Variants in ANK1 observed in about 807,000 individuals in gnomAD.
ANK1 encodes ankyrin-1.
A neutral mutation model predicts 210.4 loss-of-function variants in ANK1; 51 were observed. The observed-to-expected ratio is 0.24, with a 90% CI of 0.19 to 0.31. The LOEUF (loss-of-function observed/expected upper bound fraction) is 0.31. Ranked by LOEUF, ANK1 falls within the 10% of genes least tolerant of loss-of-function variation. The pLI is 1.00. For synonymous variants in ANK1, 967 were observed against 1,025.9 expected (o/e 0.94, Z 1.10); for missense variants, 2,051 against 2,504.4 (o/e 0.82, Z 3.86).
intron 1 of ANK1, among the ~76,000 whole-genome samples, chr8:41,868,300 T>C (rs371980191): frequency 7.9e-5 from 12 of 152,102 alleles, no homozygotes; most frequent in African/African-American, 2.9e-4. Flanking sequence ...TCGGTATCTC[T>C]GGCCTCTACC....
At chr8:41,875,977 C>T (rs538387120) in intron 1 of ANK1, among the ~76,000 whole-genome samples, 2 of 152,122 alleles carry the variant, frequency 1.3e-5, no homozygotes, top group South Asian at 2.1e-4. Context: ...CACACCTGCC[C>T]GCGCGCACAC....
chr8:41,682,046 T>A (rs1037612971), intron 37 of ANK1, among the ~76,000 whole-genome samples: 5 of 152,154 alleles, frequency 3.3e-5, no homozygotes, highest in African/African-American at 1.2e-4. Context: ...TTAAGGGCAA[T>A]CATGCCACTC....
At chr8:41,697,096 T>C (rs755506958) in intron 24 of ANK1, among the ~76,000 whole-genome samples, 1 of 151,882 alleles carries the variant, frequency 6.6e-6, no homozygotes, top group African/African-American at 2.4e-5. Flanking sequence ...CCCCCTTCTC[T>C]CCAGCTCTGC....
chr8:41,812,686 G>A (rs913007574), intron 1 of ANK1, among the ~76,000 whole-genome samples: 4 of 152,162 alleles, frequency 2.6e-5, no homozygotes, highest in African/African-American at 9.7e-5. Flanking sequence ...TTGGCACCAG[G>A]GACCAGTTTT....
At chr8:41,892,349 C>G (rs919269954) in intron 1 of ANK1, among the ~76,000 whole-genome samples, 2 of 152,130 alleles carry the variant, frequency 1.3e-5, no homozygotes, top group Admixed American at 6.5e-5. Flanking sequence ...GCAGGCTCTT[C>G]GGTTACTGCT....
chr8:41,692,663 C>A lies in ANK1; in HGVS notation c.3843G>T (p.Arg1281=), dbSNP rs1273548860. The A allele has an allele frequency of 6.2e-6, 10 of 1,613,708 alleles. No individual in the cohort carries two copies. The Admixed American group carries it at 1.7e-4, about 27-fold the overall frequency. The change falls in exon 31 of 43, where the codon CGG becomes CGT. Residue 1281 remains arginine, a synonymous_variant. Coordinates refer to ENST00000289734, the MANE Select transcript of ANK1 (RefSeq NM_000037.4). ...GCCCTGTTACCTCTATGTCCCTGCT[C>A]CGGGCCACCTCCACGAAGTTCTCAT... The part of the protein sequence containing the change: ...EQHENFVEVA[R]SRDIEVLEGM...
Position 41,684,490 on chromosome 8 carries a change from T to C in ANK1, c.4537+54A>G, listed in dbSNP as rs375304985. 58 of 1,608,328 alleles carry C rather than the reference T, an allele frequency of 3.6e-5. No individual in the cohort carries two copies. The African/African-American group carries it at 7.3e-4, about 20-fold the overall frequency. On this transcript the variant is annotated intron_variant, in intron 37 of 42. Transcript: ENST00000289734. ...TGTGGGAAGGGGTTATTGGTGCTGA[T>C]GCCTGTAGGGCAGGGCTCCGGCTCA...
chr8:41,665,660 G>A (rs892528442), intron 39 of ANK1: 10 of 213,818 alleles, frequency 4.7e-5, no homozygotes, highest in East Asian at 2.5e-4. Context: ...GGTACTTAGC[G>A]GTCTGTTTCA....
chr8:41,663,802 T>C, intron 39 of ANK1, 60 bp from the exon 40 acceptor site: 8 of 1,388,058 alleles, frequency 5.8e-6, no homozygotes, highest in Non-Finnish European at 8.2e-6. Context: ...GGAGGAAGGG[T>C]GGAGGACGAG....
chr8:41,694,799 C>A lies in ANK1; in HGVS notation c.3120G>T (p.Leu1040=). ...TCTTCTCTAGCTCCTCCAGGCTCCC[C>A]AGCTCTGGAATCACACACACAGGCC... The part of the protein sequence containing the change: ...DQILNGMDEE[L]GSLEELEKKR... Residue 1040 remains leucine (L), a synonymous_variant, in exon 28 of 43, where the codon CTG becomes CTT. Coordinates refer to ENST00000289734, the MANE Select transcript of ANK1 (RefSeq NM_000037.4). The surrounding 1 kb of genome is among the most constrained non-coding windows in gnomAD (Gnocchi z 5.7). The A allele has an allele frequency of 6.2e-7, 1 of 1,614,054 alleles. No individual in the cohort carries two copies. The highest frequency in any genetic ancestry group is 8.5e-7 in the Non-Finnish European group (1 of 1,179,984).
At chr8:41,662,613 A>G (rs1167354404) in intron 40 of ANK1, among the ~76,000 whole-genome samples, 2 of 152,138 alleles carry the variant, frequency 1.3e-5, no homozygotes, top group Non-Finnish European at 2.9e-5. Context: ...CCATTCCCGT[A>G]TTCACCTGTC....
At chr8:41,846,999 TCA>T (rs975524588) in intron 1 of ANK1, among the ~76,000 whole-genome samples, 2 of 152,214 alleles carry the variant, frequency 1.3e-5, no homozygotes, top group African/African-American at 4.8e-5. Flanking sequence ...CATGGGGTTT[TCA>T]CACACAGCCC....
chr8:41,715,520 T>C, intron 14 of ANK1, 132 bp downstream of exon 14: 1 of 1,204,142 alleles, frequency 8.3e-7, no homozygotes, highest in East Asian at 2.5e-5. Flanking sequence ...CAGCCCTGAG[T>C]GTGACGACCC....
chr8:41,661,696 G>C (rs1808267691), intron 41 of ANK1, 132 bp from the exon 42 acceptor site: 11 of 1,597,460 alleles, frequency 6.9e-6, no homozygotes, highest in Admixed American at 1.7e-5. Flanking sequence ...ACTGGAGAGA[G>C]AGCTCATAAA....
intron 2 of ANK1, among the ~76,000 whole-genome samples, chr8:41,754,894 T>C (rs963603632): frequency 6.6e-6 from 1 of 152,252 alleles, no homozygotes; most frequent in Non-Finnish European, 1.5e-5. Flanking sequence ...TGCAGCTACC[T>C]GTTCTGCTCA....
At chr8:41,774,934 G>C (rs1243972309) in intron 1 of ANK1, among the ~76,000 whole-genome samples, 1 of 152,226 alleles carries the variant, frequency 6.6e-6, no homozygotes, top group African/African-American at 2.4e-5. Flanking sequence ...ACTACCTCCA[G>C]TGTTTCCAAA....
At chr8:41,857,753 C>T (rs1453597251) in intron 1 of ANK1, among the ~76,000 whole-genome samples, 12 of 134,150 alleles carry the variant, frequency 8.9e-5, no homozygotes, top group Non-Finnish European at 1.6e-4. Flanking sequence ...AAAAAAAAAA[C>T]GTTGGCCAGG....
chr8:41,758,226 C>T, intron 1 of ANK1, 89 bp from the exon 2 acceptor site: 1 of 1,160,794 alleles, frequency 8.6e-7, no homozygotes, highest in South Asian at 1.2e-5. Context: ...GCAGCAGCCC[C>T]TGCATCCTCT....
intron 9 of ANK1, among the ~76,000 whole-genome samples, chr8:41,720,492 G>C (rs1388287765): frequency 6.6e-6 from 1 of 152,118 alleles, no homozygotes; most frequent in African/African-American, 2.4e-5. Context: ...AAAGAGAGAG[G>C]AGACTCATTC....
Sources: gnomAD v4.1 joint callset for allele counts (sites outside exome capture counted in the v4.1 genomes callset) on GRCh38, gnomAD v4.1.1 for gene constraint, Gnocchi (gnomAD v3.1) non-coding constraint, MANE v1.5 for transcripts, NCBI Gene and HGNC (gene_info 2026-07-23, HGNC 2026-07-21) for gene names.